AXDND1: variants seen among roughly 807,000 people sequenced by gnomAD.
The protein encoded by AXDND1 is axonemal dynein light chain domain-containing protein 1.
AXDND1 carries 110 observed loss-of-function variants against 137.5 expected under a neutral mutation model. The observed-to-expected ratio is 0.80, with a 90% CI of 0.69 to 0.94. The LOEUF is 0.94. Ranked by LOEUF, AXDND1 falls within the 40% of genes least tolerant of loss-of-function variation. AXDND1 has a pLI of 0.00. For missense variants in AXDND1, 1,191 were observed against 1,169.8 expected, an observed-to-expected ratio of 1.02 and a Z score of -0.26; for synonymous variants, 414 against 399.7, an observed-to-expected ratio of 1.04 and a Z score of -0.43.
rs1000775512 is a variant in AXDND1 at position 179,445,156 on chromosome 1, A to G, written c.1750A>G (p.Ile584Val). The change falls in exon 16 of 26, where the codon ATA (isoleucine) becomes GTA (valine). Residue 584 changes from isoleucine (I) to valine (V), a missense_variant. Transcript: ENST00000367618. The stretch of plus-strand genomic sequence containing the variant: ...GTACATGGAGGAAATTATCAAAAAC[A>G]TACAAAAACTCTACAAAGAATATGA... The part of the protein sequence containing the change: ...RQYMEEIIKN[I>V]QKLYKEYEIR... 22 of 1,610,476 alleles carry G rather than the reference A, an allele frequency of 1.4e-5. No individual in the cohort carries two copies. In the East Asian group the frequency reaches 2.7e-4, roughly 20 times the overall value.
intron 11 of AXDND1, among the ~76,000 whole-genome samples, chr1:179,407,454 T>C (rs1334332447): frequency 6.6e-6 from 1 of 152,194 alleles, no homozygotes; most frequent in Admixed American, 6.5e-5. Flanking sequence ...CTCGATCTCC[T>C]GACCTCGTGA....
At chr1:179,412,577 C>G (rs1654062148) in intron 12 of AXDND1, among the ~76,000 whole-genome samples, 1 of 151,922 alleles carries the variant, frequency 6.6e-6, no homozygotes, top group Non-Finnish European at 1.5e-5. Flanking sequence ...GGAATCAAGG[C>G]TTGTTATTTA....
At chr1:179,446,094 T>C (rs757647012) in intron 16 of AXDND1, among the ~76,000 whole-genome samples, 2 of 152,220 alleles carry the variant, frequency 1.3e-5, no homozygotes, top group African/African-American at 4.8e-5. Flanking sequence ...TGACTACTGA[T>C]GTCAAGCATT....
At chr1:179,418,851 C>T (rs565623191) in intron 12 of AXDND1, among the ~76,000 whole-genome samples, 5 of 152,096 alleles carry the variant, frequency 3.3e-5, no homozygotes, top group African/African-American at 9.6e-5. Context: ...GGACTCCTCA[C>T]TTCTCAGACG....
intron 21 of AXDND1, 29 bp from the exon 22 acceptor site, chr1:179,525,305 T>C: frequency 6.3e-7 from 1 of 1,584,666 alleles, no homozygotes; most frequent in East Asian, 2.3e-5. Flanking sequence ...ATATACACCC[T>C]TTAATCATAA....
intron 23 of AXDND1, among the ~76,000 whole-genome samples, chr1:179,528,682 C>T (rs1317249296): frequency 7.1e-6 from 1 of 140,224 alleles, no homozygotes; most frequent in African/African-American, 2.6e-5. Context: ...TGCTCTGCCT[C>T]CCGGGTTCAA....
chr1:179,506,635 T>C (rs1166229837), intron 20 of AXDND1, among the ~76,000 whole-genome samples: 1 of 151,988 alleles, frequency 6.6e-6, no homozygotes, highest in East Asian at 1.9e-4. Flanking sequence ...GAGGCTAAGG[T>C]AGGAGGATCA....
At chr1:179,426,891 G>C (rs1326334234) in intron 12 of AXDND1, among the ~76,000 whole-genome samples, 1 of 152,220 alleles carries the variant, frequency 6.6e-6, no homozygotes, top group African/African-American at 2.4e-5. Context: ...GCCAAGTATA[G>C]TGGCTCAAGC....
At chr1:179,460,484 A>G (rs537173666) in intron 16 of AXDND1, among the ~76,000 whole-genome samples, 2 of 152,250 alleles carry the variant, frequency 1.3e-5, no homozygotes, top group Admixed American at 6.5e-5. Context: ...AGTCTTTGCT[A>G]TTGTGAATAG....
intron 25 of AXDND1, among the ~76,000 whole-genome samples, chr1:179,541,688 GATAATATGCATGATA>G (rs569963089): frequency 0.032 from 4,695 of 148,174 alleles, 274 homozygotes; most frequent in African/African-American, 0.11. Flanking sequence ...AATATTGCAT[GATAATATGCATGATA>G]ATATATGCAT....
intron 12 of AXDND1, among the ~76,000 whole-genome samples, chr1:179,425,326 GA>G (rs1211202928): frequency 1.3e-5 from 2 of 152,188 alleles, no homozygotes; most frequent in Non-Finnish European, 1.5e-5. Context: ...TCTGCAGTGT[GA>G]GAAGGATGGC....
intron 16 of AXDND1, chr1:179,448,890 A>ATTTT: frequency 6.4e-6 from 1 of 156,110 alleles, no homozygotes; most frequent in Non-Finnish European, 1.4e-5. Context: ...TTTTGAGTTA[A>ATTTT]TTTTTTTTTT....
Position 179,395,094 on chromosome 1 carries a change from T to C in AXDND1, c.1005-4T>C, listed in dbSNP as rs757816751. On this transcript the variant is annotated splice_polypyrimidine_tract_variant and splice_region_variant and intron_variant, in intron 10 of 25. Transcript: ENST00000367618. The stretch of plus-strand genomic sequence containing the variant: ...GAATTAAAAATTTCTTTGCTTTATT[T>C]CAGGGAACTGTGTCTAGTTCGGGCA... The C allele has an allele frequency of 6.3e-7, 1 of 1,590,832 alleles. No individual in the cohort carries two copies. The highest frequency in any genetic ancestry group is 1.2e-5 in the South Asian group (1 of 86,468).
rs773766659 is a variant in AXDND1, at chr1:179,370,045, T to C, written c.341T>C (p.Ile114Thr). The C allele has an allele frequency of 8.1e-6, 13 of 1,613,676 alleles. No individual in the cohort carries two copies. Among genetic ancestry groups the C allele is most frequent in the Admixed American group, 3.3e-5 (2 of 59,972 alleles). ...CGAAGGAATAAATTCAAATACCTGA[T>C]TGACCATCCCGTCTCCCTCACAGGA... ...PVRRNKFKYL[I>T]DHPVSLTGAG... Residue 114 changes from isoleucine (I) to threonine (T), a missense_variant, in exon 4 of 26, where the codon ATT becomes ACT. By Grantham distance (89) the Ile-to-Thr change is moderately conservative (BLOSUM62 -1). Transcript: ENST00000367618.
chr1:179,458,283 G>A (rs1475554670), intron 16 of AXDND1, among the ~76,000 whole-genome samples: 2 of 151,874 alleles, frequency 1.3e-5, no homozygotes. Flanking sequence ...ACACCAGGCC[G>A]ATTTTCTTTT....
chr1:179,465,396 C>T (rs1662979580), intron 16 of AXDND1, among the ~76,000 whole-genome samples: 2 of 152,360 alleles, frequency 1.3e-5, no homozygotes, highest in African/African-American at 4.8e-5. Context: ...ACTCCAGACC[C>T]TGTTTGCCTG....
chr1:179,521,501 G>A (rs1221155430), intron 21 of AXDND1, among the ~76,000 whole-genome samples: 1 of 151,926 alleles, frequency 6.6e-6, no homozygotes, highest in Non-Finnish European at 1.5e-5. Context: ...TTAAATAGTA[G>A]TGGAGATAAC....
At chr1:179,463,686 G>C (rs1662701958) in intron 16 of AXDND1, among the ~76,000 whole-genome samples, 1 of 152,158 alleles carries the variant, frequency 6.6e-6, no homozygotes, top group Non-Finnish European at 1.5e-5. Context: ...TTAACTTTCT[G>C]TCTCCTTGAT....
In AXDND1 at chr1:179,391,509, T is replaced by TTTTA. The variant is rs928117591; in HGVS notation, c.864-2373_864-2370dup. ...AATTAGTTCTCATGAGATCTGATGA[T>TTTTA]TTTATTTATTTATTTATTTATTTAC... On this transcript the variant is annotated intron_variant, in intron 9 of 25. Coordinates refer to ENST00000367618, the MANE Select transcript of AXDND1 (RefSeq NM_144696.6). 2.8e-4 allele frequency among the ~76,000 whole-genome samples: 42 copies of TTTTA among 150,232 alleles called. No individual in the cohort carries two copies. The South Asian group carries it at 3.8e-3, about 14-fold the overall frequency.
Sources: allele counts gnomAD v4.1 joint callset (sites outside exome capture counted in the v4.1 genomes callset), GRCh38; gene constraint gnomAD v4.1.1; transcripts MANE v1.5; gene names NCBI Gene and HGNC (gene_info 2026-07-23, HGNC 2026-07-21).